The following ATP2A2 variants were observed in gnomAD, a reference collection of about 807,000 sequenced individuals.
ATP2A2 encodes ATPase sarcoplasmic/endoplasmic reticulum Ca2+ transporting 2.
Under a neutral mutation model 109.3 loss-of-function variants are expected in ATP2A2, and 14 were observed. That is an observed-to-expected ratio of 0.13 (90% CI 0.08 to 0.20). ATP2A2 has a LOEUF of 0.20. ATP2A2 is among the 10% of genes least tolerant of loss of function. The pLI, the probability that ATP2A2 is intolerant of heterozygous loss-of-function variation, is 1.00. For synonymous variants in ATP2A2, 506 were observed against 490.9 expected (o/e 1.03, Z -0.41); for missense variants, 657 against 1,321.6 (o/e 0.50, Z 7.80).
chr12:110,346,710 T>C lies in ATP2A2; in HGVS notation c.*240T>C. 1 of 1,378,580 alleles carries C rather than the reference T, an allele frequency of 7.3e-7. No individual in the cohort carries two copies. Among genetic ancestry groups the C allele is most frequent in the Non-Finnish European group, 9.4e-7 (1 of 1,066,970 alleles). 85.4% of individuals were successfully genotyped at this position (1,378,580 alleles called of 1,614,324 possible). Reference sequence around the variant, plus strand: ...AACTAACACTATTTTATGCAAATATTTTTTTGTAGATGAAAAAGCATGTAC... The same window carrying C: ...AACTAACACTATTTTATGCAAATATCTTTTTGTAGATGAAAAAGCATGTAC... On this transcript the variant is annotated 3_prime_UTR_variant, in exon 20 of 20. Transcript: ENST00000539276.
At chr12:110,328,058 T>A in intron 8 of ATP2A2, 41 bp downstream of exon 8, 1 of 1,582,580 alleles carries the variant, frequency 6.3e-7, no homozygotes. Context: ...CGTGGTTCTT[T>A]GTTCATCCTA....
rs372220719 is a variant in ATP2A2 at position 110,333,253 on chromosome 12, T to C, written c.1257T>C (p.Leu419=). Reference sequence around the variant, plus strand: ...TAGAATTAGCAACAATTTGTGCTCTTTGTAATGACTCTGCTTTGGATTACA... The same window carrying C: ...TAGAATTAGCAACAATTTGTGCTCTCTGTAATGACTCTGCTTTGGATTACA... The part of the protein sequence containing the change: ...GLVELATICA[L]CNDSALDYNE... Residue 419 remains leucine (L), a synonymous_variant, in exon 10 of 20, where the codon CTT becomes CTC. Coordinates refer to ENST00000539276, the MANE Select transcript of ATP2A2 (RefSeq NM_170665.4). 2 of 1,613,460 alleles carry C rather than the reference T, an allele frequency of 1.2e-6. No homozygotes were observed. Among genetic ancestry groups the C allele is most frequent in the Non-Finnish European group, 1.7e-6 (2 of 1,179,448 alleles).
intron 4 of ATP2A2, among the ~76,000 whole-genome samples, chr12:110,294,849 T>C (rs1161146725): frequency 6.6e-6 from 1 of 152,050 alleles, no homozygotes; most frequent in Non-Finnish European, 1.5e-5. Flanking sequence ...AGACGGAGTC[T>C]CGCTCTGTCA....
At chr12:110,318,520 C>T (rs1440639642) in intron 5 of ATP2A2, among the ~76,000 whole-genome samples, 2 of 152,124 alleles carry the variant, frequency 1.3e-5, no homozygotes, top group East Asian at 1.9e-4. Flanking sequence ...GCCCTTTCAC[C>T]CAGGCTGGAG....
At position 110,342,456 on chromosome 12, in the gene ATP2A2, T is replaced by C; in HGVS notation, c.2318+8T>C. ...CGTCGGGGAAGTTGTCTGGTAGGTC[T>C]CTGTGACAGCATCACTTACTGTACG... On this transcript the variant is annotated splice_region_variant and intron_variant, in intron 15 of 19. Coordinates refer to ENST00000539276, the MANE Select transcript of ATP2A2 (RefSeq NM_170665.4). This position sits in a 1 kb window ranked among gnomAD's most constrained non-coding sequence, Gnocchi z 4.6. The C allele has an allele frequency of 1.2e-6, 2 of 1,612,396 alleles. No homozygotes were observed. The highest frequency in any genetic ancestry group is 1.7e-6 in the Non-Finnish European group (2 of 1,179,322).
intron 10 of ATP2A2, 126 bp from the exon 11 acceptor site, chr12:110,333,886 A>C (rs542602171): frequency 3.2e-5 from 40 of 1,240,734 alleles, no homozygotes; most frequent in Middle Eastern, 4.7e-4. Context: ...TCAGAGGAGG[A>C]TAAAAATGGC....
Position 110,347,660 on chromosome 12 carries a change from C to CT in ATP2A2, c.*1191dup. The stretch of plus-strand genomic sequence containing the variant: ...GAACTATTTTTATTTGAATGTGGCA[C>CT]TAACCACCACCACCGTTACTACGAT... On this transcript the variant is annotated 3_prime_UTR_variant, in exon 20 of 20. Coordinates refer to ENST00000539276, the MANE Select transcript of ATP2A2 (RefSeq NM_170665.4). The CT allele has an allele frequency of 8.5e-7, 1 of 1,178,922 alleles. No homozygotes were observed. Among genetic ancestry groups the CT allele is most frequent in the Non-Finnish European group, 1.1e-6 (1 of 936,342 alleles). 73.0% of individuals were successfully genotyped at this position (1,178,922 alleles called of 1,614,324 possible).
rs372113582 is a variant in ATP2A2, at chr12:110,349,507, T to A, written c.*3037T>A. 4.1e-6 allele frequency: 4 copies of A among 985,938 alleles called. No homozygotes were observed. The highest frequency in any genetic ancestry group is 4.7e-5 in the South Asian group (1 of 21,310). The allele number at this position is 985,938 out of a possible 1,614,324, so 61.1% of individuals were successfully genotyped here. A position where few individuals can be genotyped will look rare whatever the true frequency, so the allele number is the denominator to read the frequency against. On this transcript the variant is annotated 3_prime_UTR_variant, in exon 20 of 20. Coordinates refer to ENST00000539276, the MANE Select transcript of ATP2A2 (RefSeq NM_170665.4). The stretch of plus-strand genomic sequence containing the variant: ...TCTGCAGAATGCAGATGATCCATTC[T>A]GGAGGAAGCTGTCCCTTGAGCTCAG...
chr12:110,348,017 G>A lies in ATP2A2; in HGVS notation c.*1547G>A, dbSNP rs946097435. On this transcript the variant is annotated 3_prime_UTR_variant, in exon 20 of 20. Coordinates refer to ENST00000539276, the MANE Select transcript of ATP2A2 (RefSeq NM_170665.4). ...TCATAGACCTCCACAGGCTGCCTAG[G>A]ACAAGATGACCAGGAGGGCCCAAGC... The A allele has an allele frequency of 1.0e-6, 1 of 987,486 alleles. No homozygotes were observed. Among genetic ancestry groups the A allele is most frequent in the Non-Finnish European group, 1.2e-6 (1 of 831,344 alleles). The allele number at this position is 987,486 out of a possible 1,614,324, so 61.2% of individuals were successfully genotyped here. A position where few individuals can be genotyped will look rare whatever the true frequency, so the allele number is the denominator to read the frequency against.
chr12:110,283,268 G>A (rs1872334697), intron 3 of ATP2A2, among the ~76,000 whole-genome samples: 1 of 152,192 alleles, frequency 6.6e-6, no homozygotes, highest in Non-Finnish European at 1.5e-5. Context: ...GAATGATGAC[G>A]GCTGTGATGG....
At chr12:110,320,431 A>G (rs949669333) in intron 5 of ATP2A2, among the ~76,000 whole-genome samples, 4 of 152,356 alleles carry the variant, frequency 2.6e-5, no homozygotes, top group African/African-American at 9.6e-5. Flanking sequence ...AACATTTGGA[A>G]ATAAATTTTC....
At chr12:110,344,240 G>C (rs1337939609) in intron 16 of ATP2A2, among the ~76,000 whole-genome samples, 2 of 152,138 alleles carry the variant, frequency 1.3e-5, no homozygotes, top group African/African-American at 2.4e-5. Flanking sequence ...ATATGCACTT[G>C]TTGTTTTTGA....
chr12:110,319,824 C>A (rs1038593441), intron 5 of ATP2A2, among the ~76,000 whole-genome samples: 1 of 151,692 alleles, frequency 6.6e-6, no homozygotes, highest in Admixed American at 6.6e-5. Flanking sequence ...TTGGTCCTAC[C>A]TAATACTGTT....
At chr12:110,344,300 C>T (rs1028123787) in intron 16 of ATP2A2, among the ~76,000 whole-genome samples, 1 of 152,152 alleles carries the variant, frequency 6.6e-6, no homozygotes, top group Non-Finnish European at 1.5e-5. Context: ...GTATTCTCTG[C>T]TGCACCTTGT....
chr12:110,325,542 G>A (rs1566227962), intron 6 of ATP2A2, among the ~76,000 whole-genome samples: 2 of 151,614 alleles, frequency 1.3e-5, no homozygotes, highest in East Asian at 1.9e-4. Context: ...GCTGAGGCTG[G>A]AAAATTGCCC....
rs1032670532 is a variant in ATP2A2 at position 110,349,597 on chromosome 12, C to T, written c.*3127C>T. ...CACAACAGCTGCTCCCACATCCCCT[C>T]GGACTGGAGCTTCAGCCCTGACTGA... On this transcript the variant is annotated 3_prime_UTR_variant, in exon 20 of 20. Coordinates refer to ENST00000539276, the MANE Select transcript of ATP2A2 (RefSeq NM_170665.4). 13 of 986,420 alleles carry T rather than the reference C, an allele frequency of 1.3e-5. No individual in the cohort carries two copies. The highest frequency in any genetic ancestry group is 1.6e-5 in the Non-Finnish European group (13 of 830,680). The allele number at this position is 986,420 out of a possible 1,614,324, so 61.1% of individuals were successfully genotyped here. A position where few individuals can be genotyped will look rare whatever the true frequency, so the allele number is the denominator to read the frequency against.
At chr12:110,333,316 G>A in intron 10 of ATP2A2, 33 bp downstream of exon 10, 2 of 1,552,628 alleles carry the variant, frequency 1.3e-6, no homozygotes, top group African/African-American at 1.4e-5. Flanking sequence ...AGGAATGGCT[G>A]TTCCTAGTTC....
intron 6 of ATP2A2, among the ~76,000 whole-genome samples, chr12:110,325,621 C>CA (rs772295159): frequency 8.6e-5 from 13 of 151,080 alleles, no homozygotes; most frequent in South Asian, 4.2e-4. Context: ...AAGCAAGACT[C>CA]CGTCTCAAAA....
intron 5 of ATP2A2, among the ~76,000 whole-genome samples, chr12:110,317,752 T>C (rs1876821362): frequency 6.6e-6 from 1 of 152,232 alleles, no homozygotes; most frequent in South Asian, 2.1e-4. Context: ...GTATCATGGC[T>C]TATAAACGTT....
Sources: allele counts gnomAD v4.1 joint callset (sites outside exome capture counted in the v4.1 genomes callset), GRCh38; gene constraint gnomAD v4.1.1; non-coding constraint Gnocchi (gnomAD v3.1); transcripts MANE v1.5; gene names NCBI Gene and HGNC (gene_info 2026-07-23, HGNC 2026-07-21).